The following CACNA2D3 variants were observed in gnomAD, a reference collection of about 807,000 sequenced individuals.
CACNA2D3 encodes voltage-dependent calcium channel subunit alpha-2/delta-3.
Under a neutral mutation model 160.6 loss-of-function variants are expected in CACNA2D3, and 60 were observed. That is an observed-to-expected ratio of 0.37 (90% CI 0.30 to 0.46). The LOEUF (loss-of-function observed/expected upper bound fraction) is 0.46, where lower values mean the gene tolerates loss of function less well. Ranked by LOEUF, CACNA2D3 falls within the 20% of genes least tolerant of loss-of-function variation. CACNA2D3 has a pLI of 1.00. For missense variants in CACNA2D3, 1,205 were observed against 1,365.0 expected (o/e 0.88, Z 1.85); for synonymous variants, 558 against 492.9 (o/e 1.13, Z -1.75).
chr3:55,019,079 T>TTTTCTTTCTTTC (rs113970383), intron 35 of CACNA2D3, among the ~76,000 whole-genome samples: 11,757 of 146,674 alleles, frequency 0.08, 596 homozygotes, highest in African/African-American at 0.11. Context: ...TGCATAGAAA[T>TTTTCTTTCTTTC]TTTCTTTCTT....
chr3:54,210,329 A>G (rs545805543), intron 2 of CACNA2D3, among the ~76,000 whole-genome samples: 119 of 152,324 alleles, frequency 7.8e-4, no homozygotes, highest in Admixed American at 1.4e-3. Flanking sequence ...CAGTAAGTTT[A>G]ATCAAACAGT....
chr3:54,357,928 T>C (rs887941764), intron 3 of CACNA2D3, among the ~76,000 whole-genome samples: 3 of 152,136 alleles, frequency 2.0e-5, no homozygotes, highest in African/African-American at 7.2e-5. Flanking sequence ...CAGAGACGAA[T>C]AGAATAGAGC....
intron 3 of CACNA2D3, among the ~76,000 whole-genome samples, chr3:54,344,105 T>C (rs758465370): frequency 1.3e-5 from 2 of 152,164 alleles, no homozygotes; most frequent in Non-Finnish European, 2.9e-5. Context: ...TTGGAGGAAG[T>C]AGTAATAGAA....
intron 21 of CACNA2D3, among the ~76,000 whole-genome samples, chr3:54,884,808 C>G (rs78996610): frequency 0.017 from 2,607 of 152,306 alleles, 87 homozygotes; most frequent in African/African-American, 0.06. Flanking sequence ...TGATTTCACC[C>G]TCACAACCAC....
At position 54,846,643 on chromosome 3, in the gene CACNA2D3, ATAAT is replaced by A. The variant is rs777849041; in HGVS notation, c.1626+177_1626+180del. Among the ~76,000 whole-genome samples the A allele has an allele frequency of 1.2e-4, 19 of 152,368 alleles. No homozygotes were observed. In the South Asian group the frequency reaches 1.7e-3, roughly 13 times the overall value. ...TGGTATTTGGACACATAATACATAA[ATAAT>A]GTTGGATAAATATATTTACCATTAT... On this transcript the variant is annotated intron_variant, in intron 17 of 37. Transcript: ENST00000474759.
At chr3:54,707,031 G>T (rs1010589161) in intron 11 of CACNA2D3, among the ~76,000 whole-genome samples, 1 of 152,152 alleles carries the variant, frequency 6.6e-6, no homozygotes, top group Non-Finnish European at 1.5e-5. Context: ...CTCTTACAAA[G>T]GCCTCCTTTA....
At chr3:54,694,737 C>T (rs1700632181) in intron 11 of CACNA2D3, among the ~76,000 whole-genome samples, 1 of 152,154 alleles carries the variant, frequency 6.6e-6, no homozygotes, top group African/African-American at 2.4e-5. Context: ...TAAGAGGGTC[C>T]ACATGCTTAC....
intron 4 of CACNA2D3, among the ~76,000 whole-genome samples, chr3:54,486,480 G>C (rs1017294294): frequency 6.6e-6 from 1 of 152,182 alleles, no homozygotes; most frequent in African/African-American, 2.4e-5. Flanking sequence ...AAAACAAAAA[G>C]GGAATGTATT....
intron 2 of CACNA2D3, among the ~76,000 whole-genome samples, chr3:54,319,793 T>G (rs529957865): frequency 3.6e-4 from 55 of 152,246 alleles, no homozygotes; most frequent in African/African-American, 1.3e-3. Context: ...CATTGCATGT[T>G]AACATATATA....
At chr3:55,033,699 A>T (rs369108965) in intron 35 of CACNA2D3, among the ~76,000 whole-genome samples, 2 of 130,780 alleles carry the variant, frequency 1.5e-5, no homozygotes, top group East Asian at 2.0e-4. Flanking sequence ...ACCCTTAAAA[A>T]ATATATATAA....
intron 31 of CACNA2D3, among the ~76,000 whole-genome samples, chr3:54,991,292 A>AAG (rs1702736867): frequency 6.6e-6 from 1 of 151,118 alleles, no homozygotes; most frequent in Non-Finnish European, 1.5e-5. Flanking sequence ...GTACAATCTC[A>AAG]GCTCACTGCA....
At chr3:54,532,965 T>G (rs1701828406) in intron 5 of CACNA2D3, among the ~76,000 whole-genome samples, 1 of 152,188 alleles carries the variant, frequency 6.6e-6, no homozygotes, top group South Asian at 2.1e-4. Context: ...CATCTGTTAT[T>G]TTTTTGACTT....
intron 2 of CACNA2D3, among the ~76,000 whole-genome samples, chr3:54,244,978 T>C (rs1401223834): frequency 6.6e-6 from 1 of 152,180 alleles, no homozygotes; most frequent in South Asian, 2.1e-4. Flanking sequence ...TCAAGAAAAA[T>C]TTAGATGACA....
intron 11 of CACNA2D3, among the ~76,000 whole-genome samples, chr3:54,710,232 T>TA (rs1164850614): frequency 6.6e-6 from 1 of 152,154 alleles, no homozygotes; most frequent in Non-Finnish European, 1.5e-5. Context: ...CAAATTGTGG[T>TA]AAGTATGATG....
intron 2 of CACNA2D3, among the ~76,000 whole-genome samples, chr3:54,248,500 AAAAG>A (rs1197997057): frequency 3.2e-4 from 48 of 151,822 alleles, no homozygotes; most frequent in African/African-American, 9.6e-4. Context: ...AAAAAAAAGA[AAAAG>A]AAAAAGAAAA....
At chr3:54,463,567 G>A (rs572417670) in intron 4 of CACNA2D3, among the ~76,000 whole-genome samples, 16 of 151,518 alleles carry the variant, frequency 1.1e-4, no homozygotes, top group African/African-American at 2.2e-4. Context: ...TGATCGCATC[G>A]GCTCCTGAGG....
rs1015016804 is a variant in CACNA2D3, at chr3:54,167,348, TC to T, written c.204+43756del. ...AAGGCACTGATTGGACCTGATACCC[TC>T]CAACTCTGATTAATGCCTCCCCAGC... On this transcript the variant is annotated intron_variant, in intron 2 of 37. Coordinates refer to ENST00000474759, the MANE Select transcript of CACNA2D3 (RefSeq NM_018398.3). Among the ~76,000 whole-genome samples, 40 of 152,300 alleles carry T rather than the reference TC, an allele frequency of 2.6e-4. 1 individual carries two copies. Among genetic ancestry groups the T allele is most frequent in the African/African-American group, 9.1e-4 (38 of 41,578 alleles).
chr3:54,847,838 A>G (rs1698968661), intron 17 of CACNA2D3, among the ~76,000 whole-genome samples: 2 of 152,126 alleles, frequency 1.3e-5, no homozygotes, highest in African/African-American at 4.8e-5. Context: ...AGTTGGCATC[A>G]TTTGTTGGAA....
chr3:54,812,067 C>T (rs1353501427), intron 13 of CACNA2D3, among the ~76,000 whole-genome samples: 1 of 152,152 alleles, frequency 6.6e-6, no homozygotes, highest in Admixed American at 6.5e-5. Flanking sequence ...GGCTGTTAGC[C>T]TTAAGATAAC....
Sources: allele counts gnomAD v4.1 joint callset (sites outside exome capture counted in the v4.1 genomes callset), GRCh38; gene constraint gnomAD v4.1.1; transcripts MANE v1.5; gene names NCBI Gene and HGNC (gene_info 2026-07-23, HGNC 2026-07-21).